TNS3: variants seen among roughly 807,000 people sequenced by gnomAD.
The protein encoded by TNS3 is tensin 3.
TNS3 carries 45 observed loss-of-function variants against 140.9 expected under a neutral mutation model. The observed-to-expected ratio is 0.32, with a 90% CI of 0.25 to 0.41. The LOEUF (loss-of-function observed/expected upper bound fraction) is 0.41, where lower values mean the gene tolerates loss of function less well. Among genes scored for constraint, TNS3 ranks in the 10% least tolerant of loss-of-function variants. TNS3 has a pLI of 1.00. For missense variants in TNS3, 1,716 were observed against 1,906.7 expected, an observed-to-expected ratio of 0.90 and a Z score of 1.86; for synonymous variants, 815 against 788.4, an observed-to-expected ratio of 1.03 and a Z score of -0.56.
chr7:47,413,593 G>A (rs1241896640), intron 12 of TNS3, among the ~76,000 whole-genome samples: 1 of 151,776 alleles, frequency 6.6e-6, no homozygotes, highest in Admixed American at 6.6e-5. Flanking sequence ...GGTAATCAAA[G>A]GGGGTCCTGG....
At chr7:47,509,126 C>T (rs1361561111) in intron 2 of TNS3, among the ~76,000 whole-genome samples, 1 of 152,202 alleles carries the variant, frequency 6.6e-6, no homozygotes, top group Non-Finnish European at 1.5e-5. Context: ...AAAAAATGGC[C>T]CTGGTCAGTG....
At chr7:47,424,307 T>G (rs1369188734) in intron 9 of TNS3, 123 bp from the exon 10 acceptor site, 1 of 824,876 alleles carries the variant, frequency 1.2e-6, no homozygotes, top group Non-Finnish European at 1.9e-6. Flanking sequence ...CTTCACCCTT[T>G]GCTGCACCTG....
At position 47,481,096 on chromosome 7, in the gene TNS3, G is replaced by A; in HGVS notation, c.-76+7C>T. 2 of 1,289,718 alleles carry A rather than the reference G, an allele frequency of 1.6e-6. No homozygotes were observed. Among genetic ancestry groups the A allele is most frequent in the South Asian group, 2.5e-5 (2 of 81,016 alleles). 79.9% of individuals were successfully genotyped at this position (1,289,718 alleles called of 1,614,324 possible). A position where few individuals can be genotyped will look rare whatever the true frequency, so the allele number is the denominator to read the frequency against. On this transcript the variant is annotated splice_region_variant and intron_variant, in intron 4 of 30. Coordinates refer to ENST00000311160, the MANE Select transcript of TNS3 (RefSeq NM_022748.12). The stretch of plus-strand genomic sequence containing the variant: ...ACAAGGGAGCCAAAGAAATGCAAAG[G>A]GCTTACCTGTTCCAGTCGGACTTGC...
intron 1 of TNS3, among the ~76,000 whole-genome samples, chr7:47,565,471 A>T (rs571739820): frequency 2.6e-4 from 40 of 151,784 alleles, no homozygotes; most frequent in African/African-American, 9.7e-4. Flanking sequence ...GGTTCAAGCG[A>T]TTCTCCTGCC....
At chr7:47,291,018 G>A (rs1360981293) in intron 27 of TNS3, among the ~76,000 whole-genome samples, 2 of 152,120 alleles carry the variant, frequency 1.3e-5, no homozygotes, top group African/African-American at 4.8e-5. Context: ...GAGCTATCAA[G>A]CCATAAAAAC....
chr7:47,577,736 G>C (rs146045701), intron 1 of TNS3, among the ~76,000 whole-genome samples: 2 of 152,188 alleles, frequency 1.3e-5, no homozygotes, highest in Non-Finnish European at 2.9e-5. Flanking sequence ...TTGGGTACTT[G>C]AGTAGTAAAA....
chr7:47,423,466 C>T (rs1284394663), intron 10 of TNS3, among the ~76,000 whole-genome samples: 1 of 152,198 alleles, frequency 6.6e-6, no homozygotes, highest in African/African-American at 2.4e-5. Context: ...ATGACTATTC[C>T]CCATCACTTA....
In TNS3 at chr7:47,435,417, AG is replaced by A; in HGVS notation, c.202-14del. ...CCACATCCATGATCTGCAACAAGAA[AG>A]GGGAGCTTCCTCGGTTTCCATTTCC... On this transcript the variant is annotated splice_polypyrimidine_tract_variant and intron_variant, in intron 7 of 30. Transcript: ENST00000311160. The A allele has an allele frequency of 6.2e-7, 1 of 1,612,812 alleles. No individual in the cohort carries two copies. The highest frequency in any genetic ancestry group is 8.5e-7 in the Non-Finnish European group (1 of 1,179,908).
chr7:47,294,181 T>C (rs1168048627), intron 24 of TNS3, among the ~76,000 whole-genome samples: 2 of 152,056 alleles, frequency 1.3e-5, no homozygotes, highest in East Asian at 3.9e-4. Flanking sequence ...TCCAGCTGAA[T>C]CCTCTCCCAA....
Position 47,582,033 on chromosome 7 carries a change from C to T in TNS3, c.-265+18G>A, listed in dbSNP as rs2152035382. ...CCGCGGCGCGTGGCCGCGTTTCCTC[C>T]TTCCCCGGCCCCAGTACCTGGGGGA... On this transcript the variant is annotated intron_variant, in intron 1 of 30. Transcript: ENST00000311160. 1 of 152,206 alleles carries T rather than the reference C, an allele frequency of 6.6e-6. No individual in the cohort carries two copies. The highest frequency in any genetic ancestry group is 1.5e-5 in the Non-Finnish European group (1 of 68,000). The allele number at this position is 152,206 out of a possible 1,614,324, so 9.4% of individuals were successfully genotyped here.
intron 30 of TNS3, chr7:47,278,567 G>A: frequency 4.8e-6 from 1 of 209,302 alleles, no homozygotes; most frequent in South Asian, 1.2e-4. Context: ...ACCTGTCCCT[G>A]CAGATTCCTG....
intron 1 of TNS3, among the ~76,000 whole-genome samples, chr7:47,555,805 A>G (rs1800179601): frequency 6.6e-6 from 1 of 152,256 alleles, no homozygotes; most frequent in African/African-American, 2.4e-5. Context: ...ACTTAATATA[A>G]CTACAGCTTA....
chr7:47,476,661 C>T (rs1467820046), intron 4 of TNS3, among the ~76,000 whole-genome samples: 1 of 152,210 alleles, frequency 6.6e-6, no homozygotes, highest in African/African-American at 2.4e-5. Flanking sequence ...GCCCCTGATG[C>T]CTTAGTCTAC....
chr7:47,275,488 C>T lies in TNS3; in HGVS notation c.*2588G>A, dbSNP rs1348260178. The T allele has an allele frequency of 3.0e-5, 9 of 304,216 alleles. No individual in the cohort carries two copies. Among genetic ancestry groups the T allele is most frequent in the Middle Eastern group, 1.1e-3 (1 of 882 alleles). 18.8% of individuals were successfully genotyped at this position (304,216 alleles called of 1,614,324 possible). On this transcript the variant is annotated 3_prime_UTR_variant, in exon 31 of 31. Transcript: ENST00000311160. ...TCCGCATTTACTCCCCAGGGCAGTA[C>T]GTGCCTGTCCAGCGGGAGCCCTGGA...
At chr7:47,438,109 G>T (rs187455152) in intron 6 of TNS3, among the ~76,000 whole-genome samples, 2 of 152,018 alleles carry the variant, frequency 1.3e-5, no homozygotes, top group Non-Finnish European at 2.9e-5. Context: ...TTAACTAAAC[G>T]TCCCTCTCAC....
At chr7:47,307,834 A>G (rs773539764) in intron 20 of TNS3, among the ~76,000 whole-genome samples, 2 of 152,098 alleles carry the variant, frequency 1.3e-5, no homozygotes, top group African/African-American at 4.8e-5. Context: ...AGTTCTTTAT[A>G]TATTTTAGAT....
chr7:47,381,847 AATT>A (rs1462711662), intron 16 of TNS3, among the ~76,000 whole-genome samples: 1 of 152,230 alleles, frequency 6.6e-6, no homozygotes, highest in Non-Finnish European at 1.5e-5. Context: ...AGAGAACCGA[AATT>A]ATTGTTACCA....
intron 18 of TNS3, among the ~76,000 whole-genome samples, 188 bp from the exon 19 acceptor site, chr7:47,345,226 G>A (rs562007134): frequency 6.6e-6 from 1 of 152,272 alleles, no homozygotes; most frequent in African/African-American, 2.4e-5. Context: ...TGGAAAACTG[G>A]AAAACACTTT....
chr7:47,356,355 C>G (rs1165750263), intron 17 of TNS3, among the ~76,000 whole-genome samples: 2 of 152,208 alleles, frequency 1.3e-5, no homozygotes, highest in East Asian at 3.9e-4. Context: ...CAACCAAGCT[C>G]AAGAATCACA....
Sources: gnomAD v4.1 joint callset for allele counts (sites outside exome capture counted in the v4.1 genomes callset) on GRCh38, gnomAD v4.1.1 for gene constraint, MANE v1.5 for transcripts, NCBI Gene and HGNC (gene_info 2026-07-23, HGNC 2026-07-21) for gene names.